Variants in UGT1A8 observed in about 807,000 individuals in gnomAD.
The protein encoded by UGT1A8 is UDP glucuronosyltransferase family 1 member A8, also known as UDP-glucuronosyltransferase 1A8.
Under a neutral mutation model 45.3 loss-of-function variants are expected in UGT1A8, and 39 were observed. The ratio of observed to expected loss-of-function variants is 0.86; its 90% CI spans 0.67 to 1.12. The LOEUF is 1.12. Among genes scored for constraint, UGT1A8 ranks in the 50% most tolerant of loss-of-function variants. UGT1A8 has a pLI of 0.00. For missense variants in UGT1A8, 719 were observed against 664.9 expected (o/e 1.08, Z -0.90); for synonymous variants, 275 against 249.2 (o/e 1.10, Z -0.97).
chr2:233,714,886 C>A (rs930677023), intron 1 of UGT1A8, among the ~76,000 whole-genome samples: 24 of 134,284 alleles, frequency 1.8e-4, no homozygotes, highest in African/African-American at 6.3e-4. Flanking sequence ...TTAAATTTTT[C>A]TATCTTTTGA....
intron 1 of UGT1A8, chr2:233,718,897 C>G (rs1667541971): frequency 8.1e-6 from 13 of 1,614,042 alleles, no homozygotes; most frequent in Non-Finnish European, 1.1e-5. Context: ...CAGCCCTGGG[C>G]TGAGAGTGGA....
At position 233,641,600 on chromosome 2, in the gene UGT1A8, G is replaced by A. The variant is rs113641140; in HGVS notation, c.855+23038G>A. 2.7e-3 allele frequency among the ~76,000 whole-genome samples: 412 copies of A among 152,274 alleles called. 2 individuals are homozygous for A. Among genetic ancestry groups the A allele is most frequent in the Non-Finnish European group, 1.1e-3 (77 of 68,004 alleles). ...TTTCTGTGTACTTACTATTACCAGT[G>A]AGTTTTGTACCTTCAGATGATTTCT... On this transcript the variant is annotated intron_variant, in intron 1 of 4. Transcript: ENST00000373450.
chr2:233,651,625 A>T (rs2073743898), intron 1 of UGT1A8, among the ~76,000 whole-genome samples: 1 of 152,212 alleles, frequency 6.6e-6, no homozygotes, highest in African/African-American at 2.4e-5. Flanking sequence ...ACTGTCATTG[A>T]AAGACCTATG....
intron 1 of UGT1A8, among the ~76,000 whole-genome samples, chr2:233,670,376 T>C (rs1249754367): frequency 6.6e-6 from 1 of 152,220 alleles, no homozygotes; most frequent in Non-Finnish European, 1.5e-5. Flanking sequence ...ATTATTTGAC[T>C]TTTTTGCCTT....
intron 1 of UGT1A8, chr2:233,747,125 G>A (rs1221297675): frequency 2.0e-6 from 3 of 1,497,444 alleles, no homozygotes; most frequent in Admixed American, 3.8e-5. Flanking sequence ...TTGCTAAGTG[G>A]CTCAGTGACA....
At chr2:233,645,348 C>T (rs1042232784) in intron 1 of UGT1A8, among the ~76,000 whole-genome samples, 1 of 152,148 alleles carries the variant, frequency 6.6e-6, no homozygotes, top group African/African-American at 2.4e-5. Flanking sequence ...TGATTCCACC[C>T]TGGTCCCTCC....
chr2:233,691,345 A>G (rs2075039049), intron 1 of UGT1A8: 1 of 985,414 alleles, frequency 1.0e-6, no homozygotes, highest in Non-Finnish European at 1.2e-6. Context: ...GAGTCTTCGC[A>G]TGCCTTGAAC....
chr2:233,747,386 G>C, intron 1 of UGT1A8: 1 of 1,605,212 alleles, frequency 6.2e-7, no homozygotes, highest in Middle Eastern at 1.7e-4. Context: ...GCCACCAGGC[G>C]GTGGTCCTCA....
chr2:233,754,775 G>T (rs1381490042), intron 1 of UGT1A8: 9 of 1,081,770 alleles, frequency 8.3e-6, no homozygotes, highest in Non-Finnish European at 1.1e-5. Context: ...TTCCCAGGGA[G>T]CCAAAGGAAC....
chr2:233,689,196 G>A (rs17862859), intron 1 of UGT1A8, among the ~76,000 whole-genome samples: 5,768 of 152,276 alleles, frequency 0.038, 135 homozygotes, highest in Non-Finnish European at 0.059. Context: ...GGAACTGTCT[G>A]GCTGGGCAAG....
chr2:233,635,032 A>G (rs1357725048), intron 1 of UGT1A8, among the ~76,000 whole-genome samples: 1 of 150,762 alleles, frequency 6.6e-6, no homozygotes, highest in Non-Finnish European at 1.5e-5. Context: ...GCTTGTCTGT[A>G]AAGGATTTTA....
At chr2:233,662,078 G>A (rs1035666311) in intron 1 of UGT1A8, among the ~76,000 whole-genome samples, 1 of 152,066 alleles carries the variant, frequency 6.6e-6, no homozygotes, top group Non-Finnish European at 1.5e-5. Context: ...AGTACAGTAG[G>A]CACAGTTAAC....
chr2:233,712,443 C>G (rs1223728357), intron 1 of UGT1A8, among the ~76,000 whole-genome samples: 1 of 152,142 alleles, frequency 6.6e-6, no homozygotes, highest in East Asian at 1.9e-4. Context: ...TGAAAAACGA[C>G]CAAAACCAGA....
chr2:233,747,849 A>C, intron 1 of UGT1A8: 1 of 1,613,552 alleles, frequency 6.2e-7, no homozygotes. Flanking sequence ...AAGGGTCAAG[A>C]ACATGCTCTA....
chr2:233,631,028 C>G (rs1419638092), intron 1 of UGT1A8, among the ~76,000 whole-genome samples: 4 of 151,956 alleles, frequency 2.6e-5, no homozygotes, highest in African/African-American at 9.7e-5. Context: ...ATGTTCCCCT[C>G]CCTGTGTCCA....
intron 1 of UGT1A8, among the ~76,000 whole-genome samples, chr2:233,681,393 G>T (rs1478983291): frequency 6.6e-6 from 1 of 151,836 alleles, no homozygotes; most frequent in Non-Finnish European, 1.5e-5. Context: ...AGTTAGCTGG[G>T]CATGGCAGCG....
chr2:233,769,852 T>G lies in UGT1A8; in HGVS notation c.1295+1413T>G. On this transcript the variant is annotated intron_variant, in intron 4 of 4. Transcript: ENST00000373450. The surrounding 1 kb of genome is among the most constrained non-coding windows in gnomAD (Gnocchi z 4.4). ...CAACCTGGGCAACAGAGTGAGACCC[T>G]GTCTCAAAAAAAAAAAAAAAAATGA... 1.1e-5 allele frequency: 5 copies of G among 461,196 alleles called. No homozygotes were observed. Among genetic ancestry groups the G allele is most frequent in the Non-Finnish European group, 1.0e-5 (3 of 289,680 alleles). 28.6% of individuals were successfully genotyped at this position (461,196 alleles called of 1,614,324 possible).
chr2:233,731,567 G>C (rs187865178), intron 1 of UGT1A8, among the ~76,000 whole-genome samples: 1 of 152,286 alleles, frequency 6.6e-6, no homozygotes, highest in Non-Finnish European at 1.5e-5. Flanking sequence ...AGTTTGCTGA[G>C]AATGATGGTT....
intron 1 of UGT1A8, among the ~76,000 whole-genome samples, chr2:233,757,554 A>ATATATATATATATATATATATT (rs1696625820): frequency 7.9e-6 from 1 of 126,928 alleles, no homozygotes; most frequent in Non-Finnish European, 1.6e-5. Context: ...ATATATATAT[A>ATATATATATATATATATATATT]TATATATGTA....
Sources: gnomAD v4.1 joint callset for allele counts (sites outside exome capture counted in the v4.1 genomes callset) on GRCh38, gnomAD v4.1.1 for gene constraint, Gnocchi (gnomAD v3.1) non-coding constraint, MANE v1.5 for transcripts, NCBI Gene and HGNC (gene_info 2026-07-23, HGNC 2026-07-21) for gene names.